Variants in IQSEC1 observed in about 807,000 individuals in gnomAD.
IQSEC1 encodes IQ motif and Sec7 domain ArfGEF 1, also known as IQ motif and SEC7 domain-containing protein 1.
Under a neutral mutation model 91.0 loss-of-function variants are expected in IQSEC1, and 31 were observed. The ratio of observed to expected loss-of-function variants is 0.34; its 90% confidence interval spans 0.26 to 0.46. The LOEUF (loss-of-function observed/expected upper bound fraction) is 0.46. IQSEC1 is among the 20% of genes least tolerant of loss of function. The pLI is 1.00. For synonymous variants in IQSEC1, 699 were observed against 662.6 expected (o/e 1.05, Z -0.84); for missense variants, 1,388 against 1,575.6 (o/e 0.88, Z 2.02).
intron 1 of IQSEC1, among the ~76,000 whole-genome samples, chr3:13,055,766 A>T (rs926920804): frequency 6.6e-6 from 1 of 152,218 alleles, no homozygotes; most frequent in African/African-American, 2.4e-5. Flanking sequence ...AAGGTCACAG[A>T]GGGAGTACAT....
upstream of IQSEC1, among the ~76,000 whole-genome samples, chr3:13,078,036 G>A: frequency 6.6e-6 from 1 of 152,192 alleles, no homozygotes. Flanking sequence ...GCCTGCTGGG[G>A]CCGCGGATGA....
intron 12 of IQSEC1, among the ~76,000 whole-genome samples, chr3:12,906,732 C>G (rs998530971): frequency 6.6e-6 from 1 of 152,234 alleles, no homozygotes; most frequent in African/African-American, 2.4e-5. Context: ...AGAGGGTGGA[C>G]AGCTGAGGTC....
chr3:13,143,035 C>T (rs1706826899), intron 2 of IQSEC1, among the ~76,000 whole-genome samples: 1 of 152,246 alleles, frequency 6.6e-6, no homozygotes, highest in Non-Finnish European at 1.5e-5. Context: ...TTCCACACCT[C>T]CATGGATGCC....
At chr3:13,167,049 G>A (rs1047601889) in intron 1 of IQSEC1, among the ~76,000 whole-genome samples, 27 of 152,334 alleles carry the variant, frequency 1.8e-4, no homozygotes, top group East Asian at 1.9e-4. Context: ...ATGTGTGTAC[G>A]TGTGTGGTAC....
intron 1 of IQSEC1, among the ~76,000 whole-genome samples, chr3:13,071,944 T>C (rs989584021): frequency 6.6e-5 from 10 of 152,140 alleles, no homozygotes; most frequent in Non-Finnish European, 2.9e-5. Flanking sequence ...TGTGTTTACT[T>C]TCCCTCAGTG....
intron 1 of IQSEC1, among the ~76,000 whole-genome samples, chr3:13,205,383 C>T (rs1440217073): frequency 2.0e-5 from 3 of 152,102 alleles, no homozygotes; most frequent in Non-Finnish European, 1.5e-5. Context: ...GCCCAGGCTC[C>T]AGTACCAGGA....
intron 1 of IQSEC1, among the ~76,000 whole-genome samples, chr3:13,038,676 G>A (rs527756913): frequency 2.0e-5 from 3 of 152,026 alleles, no homozygotes; most frequent in South Asian, 2.1e-4. Context: ...TTTGTAACTC[G>A]AAGGATAAAT....
intron 1 of IQSEC1, among the ~76,000 whole-genome samples, chr3:13,059,001 C>G (rs1576223889): frequency 6.6e-6 from 1 of 151,986 alleles, no homozygotes; most frequent in East Asian, 1.9e-4. Context: ...GTGCCCTCAC[C>G]AGGGCATGAG....
chr3:13,015,784 C>T (rs1171398134), intron 1 of IQSEC1: 9 of 945,304 alleles, frequency 9.5e-6, no homozygotes, highest in Non-Finnish European at 2.5e-6. Flanking sequence ...CTCCAAAAGG[C>T]CCCCAGGCAC....
chr3:12,966,223 T>C (rs1700555806), intron 1 of IQSEC1, among the ~76,000 whole-genome samples: 1 of 152,054 alleles, frequency 6.6e-6, no homozygotes, highest in African/African-American at 2.4e-5. Context: ...AGCAATGGGG[T>C]CCTTGAGAAG....
rs1702113907 is a variant in IQSEC1 at position 12,994,002 on chromosome 3, C to G, written c.24-52137G>C. ...GCCGCCCCGCGGAGGGCATTCCCGG[C>G]TGCAGCCCCAGCGACCCCCGCCCGG... On this transcript the variant is annotated intron_variant, in intron 1 of 13. Coordinates refer to ENST00000613206, the MANE Select transcript of IQSEC1 (RefSeq NM_001134382.3). This position sits in a 1 kb window ranked among gnomAD's most constrained non-coding sequence, Gnocchi z 4.5. Among the ~76,000 whole-genome samples, 1 of 150,774 alleles carries G rather than the reference C, an allele frequency of 6.6e-6. No homozygotes were observed. Among genetic ancestry groups the G allele is most frequent in the African/African-American group, 2.4e-5 (1 of 41,226 alleles).
intron 1 of IQSEC1, among the ~76,000 whole-genome samples, chr3:13,213,140 G>C (rs1222811103): frequency 6.6e-6 from 1 of 152,214 alleles, no homozygotes; most frequent in African/African-American, 2.4e-5. Flanking sequence ...AGGCCATGAA[G>C]ATTTACTCCT....
intron 2 of IQSEC1, among the ~76,000 whole-genome samples, chr3:13,124,864 T>C (rs750262702): frequency 1.3e-5 from 2 of 152,124 alleles, no homozygotes; most frequent in Non-Finnish European, 2.9e-5. Flanking sequence ...CCAGCAGTCG[T>C]TCAGCATTAT....
chr3:13,213,820 A>G (rs1694489979), intron 1 of IQSEC1, among the ~76,000 whole-genome samples: 1 of 152,176 alleles, frequency 6.6e-6, no homozygotes, highest in East Asian at 1.9e-4. Context: ...AAAGGAAATA[A>G]GTGCCTAGGC....
rs990067603 is a variant in IQSEC1, at chr3:13,103,722, C to T, written c.303-56200G>A. Among the ~76,000 whole-genome samples, 2 of 152,078 alleles carry T rather than the reference C, an allele frequency of 1.3e-5. No individual in the cohort carries two copies. Among genetic ancestry groups the T allele is most frequent in the African/African-American group, 2.4e-5 (1 of 41,402 alleles). ...AGCAGGGGAAGGTTGGAGGCCTGAC[C>T]CCCAGAGGGTGCGCCTCCTACCCCT... On this transcript the variant is annotated intron_variant, in intron 2 of 15. Coordinates refer to the IQSEC1 transcript ENST00000648114. This position sits in a 1 kb window ranked among gnomAD's most constrained non-coding sequence, Gnocchi z 4.1.
At chr3:13,065,736 A>G (rs897563235) in intron 1 of IQSEC1, among the ~76,000 whole-genome samples, 2 of 152,208 alleles carry the variant, frequency 1.3e-5, no homozygotes, top group Admixed American at 6.5e-5. Flanking sequence ...ACTTCTGAGT[A>G]TACACCCAAC....
In IQSEC1 at chr3:12,902,857, G is replaced by A. The variant is rs188906230; in HGVS notation, c.2756-35C>T. The A allele has an allele frequency of 4.0e-5, 62 of 1,560,584 alleles. 2 individuals carry two copies. The highest frequency in any genetic ancestry group is 3.4e-4 in the East Asian group (15 of 44,540). On this transcript the variant is annotated intron_variant, in intron 12 of 13. Coordinates refer to ENST00000613206, the MANE Select transcript of IQSEC1 (RefSeq NM_001134382.3). ...ACATGCAATACCAGAAGTTAGACGC[G>A]GACATGAGGCTGGGGGTGCTGCCTG...
At chr3:13,096,649 C>T (rs1036830289) in intron 2 of IQSEC1, among the ~76,000 whole-genome samples, 6 of 152,152 alleles carry the variant, frequency 3.9e-5, no homozygotes, top group Admixed American at 1.3e-4. Context: ...AGCAAAGGCA[C>T]GGCAGCCTCC....
chr3:13,226,274 G>A (rs1432603122), intron 1 of IQSEC1, among the ~76,000 whole-genome samples: 2 of 152,160 alleles, frequency 1.3e-5, no homozygotes, highest in East Asian at 1.9e-4. Context: ...TCCCAAGTTT[G>A]CCATTTAGTA....
Sources: allele counts gnomAD v4.1 joint callset (sites outside exome capture counted in the v4.1 genomes callset), GRCh38; gene constraint gnomAD v4.1.1; non-coding constraint Gnocchi (gnomAD v3.1); transcripts MANE v1.5; gene names NCBI Gene and HGNC (gene_info 2026-07-23, HGNC 2026-07-21).